Variants in PFKFB1 observed in about 807,000 individuals in gnomAD.
PFKFB1 encodes 6-phosphofructo-2-kinase/fructose-2,6-biphosphatase 1.
Under a neutral mutation model 46.4 loss-of-function variants are expected in PFKFB1, and 34 were observed. The ratio of observed to expected loss-of-function variants is 0.73; its 90% CI spans 0.56 to 0.98. The LOEUF (loss-of-function observed/expected upper bound fraction) is 0.98. PFKFB1 is among the 50% of genes least tolerant of loss of function. PFKFB1 has a pLI of 0.00. For synonymous variants in PFKFB1, 119 were observed against 133.8 expected (o/e 0.89, Z 0.76); for missense variants, 393 against 376.3 (o/e 1.04, Z -0.37).
chrX:54,959,736 A>T, intron 4 of PFKFB1, 91 bp downstream of exon 4: 1 of 556,356 alleles, frequency 1.8e-6, no homozygotes, highest in Non-Finnish European at 3.1e-6. Flanking sequence ...CTCAGAACAT[A>T]ATGTTCTGTA....
At chrX:54,981,584 C>T (rs755946505) in intron 1 of PFKFB1, among the ~76,000 whole-genome samples, 3 of 111,213 alleles carry the variant, frequency 2.7e-5, no homozygotes, top group Non-Finnish European at 5.7e-5. Flanking sequence ...ATGGAATGTA[C>T]CTCAGACAGA....
At chrX:54,945,596 G>T in intron 9 of PFKFB1, 53 bp from the exon 10 acceptor site, 1 of 770,623 alleles carries the variant, frequency 1.3e-6, no homozygotes, top group Non-Finnish European at 1.9e-6. Flanking sequence ...ATTCCACAGA[G>T]TCTTTGCCAT....
At chrX:54,988,940 T>C (rs1481462904) in intron 1 of PFKFB1, among the ~76,000 whole-genome samples, 2 of 112,151 alleles carry the variant, frequency 1.8e-5, no homozygotes, top group African/African-American at 3.2e-5. Flanking sequence ...ACAACATGGA[T>C]TAACCTTGAA....
intron 1 of PFKFB1, among the ~76,000 whole-genome samples, chrX:54,982,999 A>G (rs189188407): frequency 1.9e-3 from 212 of 111,209 alleles, no homozygotes; most frequent in African/African-American, 6.8e-3. Context: ...TGGGAAGCAC[A>G]ATACACAAGC....
upstream of PFKFB1, chrX:54,994,988 T>G: frequency 3.4e-6 from 1 of 290,046 alleles, no homozygotes; most frequent in South Asian, 1.7e-4. Context: ...TCACTAAAGT[T>G]CCTCATGCCA....
rs567550265 is a variant in PFKFB1 at position 54,949,278 on chromosome X, C to T, written c.847-57G>A. On this transcript the variant is annotated intron_variant, in intron 8 of 13. Coordinates refer to ENST00000375006, the MANE Select transcript of PFKFB1 (RefSeq NM_002625.4). ...GGGGAAAAGGAGAGGTGAGAGAGAG[C>T]AGGGTGGCCATCAGAACAAGCTCAG... The T allele has an allele frequency of 5.3e-5, 54 of 1,012,094 alleles. No homozygotes were observed. The South Asian group carries it at 1.2e-3, about 23-fold the overall frequency. The allele number at this position is 1,012,094 out of a possible 1,213,427, so 83.4% of individuals were successfully genotyped here.
chrX:54,949,424 CAG>C (rs3028350), intron 8 of PFKFB1, among the ~76,000 whole-genome samples: 39,499 of 92,929 alleles, frequency 0.43, 7,086 homozygotes, highest in African/African-American at 0.57. Context: ...AAGAGCATGA[CAG>C]AGAGAGAGAG....
intron 1 of PFKFB1, among the ~76,000 whole-genome samples, chrX:54,963,751 T>G (rs1414638658): frequency 8.9e-6 from 1 of 112,201 alleles, no homozygotes; most frequent in Non-Finnish European, 1.9e-5. Flanking sequence ...CATAGGCAAT[T>G]TTGCACCCCT....
chrX:54,963,262 G>A lies in PFKFB1; in HGVS notation c.218C>T (p.Thr73Ile). The A allele has an allele frequency of 1.7e-6, 2 of 1,210,018 alleles. No individual in the cohort carries two copies. Among genetic ancestry groups the A allele is most frequent in the Admixed American group, 2.2e-5 (1 of 45,958 alleles). ...TRYLNWIGTP[T>I]KVFNLGQYRR... is the part of the protein sequence containing the mutation. ...AAAGGCTTTCAGAGACATACCTTTAGTTGGTGTTCCTATCCAGTTGAGATA... is the reference window on the plus strand; with the variant it reads ...AAAGGCTTTCAGAGACATACCTTTAATTGGTGTTCCTATCCAGTTGAGATA... The change falls in exon 2 of 14, where the codon ACT (threonine) becomes ATT (isoleucine). Residue 73 changes from threonine to isoleucine, a missense_variant. By Grantham distance (89) the Thr-to-Ile change is moderately conservative. Transcript: ENST00000375006.
At chrX:54,934,630 C>T (rs1417115389) in intron 12 of PFKFB1, among the ~76,000 whole-genome samples, 1 of 112,392 alleles carries the variant, frequency 8.9e-6, no homozygotes, top group Non-Finnish European at 1.9e-5. Flanking sequence ...TCTTTGTGCT[C>T]TTTCTCCAAT....
chrX:54,993,610 AATTCCAAACAAGAAGC>A (rs1165775161), intron 1 of PFKFB1, among the ~76,000 whole-genome samples: 2 of 112,181 alleles, frequency 1.8e-5, no homozygotes, highest in Non-Finnish European at 3.8e-5. Flanking sequence ...AGAAATCTTA[AATTCCAAACAAGAAGC>A]ATTCCAAACA....
At chrX:54,945,806 G>A (rs949220392) in intron 9 of PFKFB1, among the ~76,000 whole-genome samples, 2 of 108,929 alleles carry the variant, frequency 1.8e-5, no homozygotes, top group African/African-American at 6.7e-5. Context: ...CAGGCTGAGT[G>A]TATGATGTTT....
chrX:54,946,690 C>T (rs184726871), intron 9 of PFKFB1, among the ~76,000 whole-genome samples: 6 of 112,063 alleles, frequency 5.4e-5, no homozygotes, highest in Non-Finnish European at 1.1e-4. Context: ...AGCCTGTCGC[C>T]TATGGAAATG....
intron 5 of PFKFB1, 44 bp downstream of exon 5, chrX:54,958,807 G>T: frequency 1.1e-6 from 1 of 921,326 alleles, no homozygotes; most frequent in Non-Finnish European, 1.6e-6. Context: ...TGGGGTTTGT[G>T]CTGGAGAAAT....
At chrX:54,950,767 G>A (rs1392945082) in intron 8 of PFKFB1, among the ~76,000 whole-genome samples, 1 of 112,441 alleles carries the variant, frequency 8.9e-6, no homozygotes, top group African/African-American at 3.2e-5. Flanking sequence ...CTCGAGGGGA[G>A]GCTGTCAGTC....
chrX:54,972,066 T>C (rs1485229234), intron 1 of PFKFB1, among the ~76,000 whole-genome samples: 3 of 110,908 alleles, frequency 2.7e-5, no homozygotes, highest in Non-Finnish European at 5.7e-5. Flanking sequence ...CCCTTGTAAG[T>C]TGGATTCCTA....
intron 1 of PFKFB1, among the ~76,000 whole-genome samples, chrX:54,970,176 T>G (rs1784321766): frequency 9.0e-6 from 1 of 111,430 alleles, no homozygotes; most frequent in South Asian, 3.8e-4. Flanking sequence ...CCCAAAGTGC[T>G]GGGATTATAG....
intron 10 of PFKFB1, among the ~76,000 whole-genome samples, chrX:54,938,275 T>G (rs1933479912): frequency 8.9e-6 from 1 of 112,017 alleles, no homozygotes; most frequent in Non-Finnish European, 1.9e-5. Flanking sequence ...ACGCTCTAAG[T>G]GCAAACTAGA....
chrX:54,988,390 G>A lies in PFKFB1; in HGVS notation c.97+5521C>T, dbSNP rs995297547. Reference sequence around the variant, plus strand: ...GGGACCTAAAACTTATTATTGTTAAGATGGTAATATTCCCTAACTAATCTA... The same window carrying A: ...GGGACCTAAAACTTATTATTGTTAAAATGGTAATATTCCCTAACTAATCTA... On this transcript the variant is annotated intron_variant, in intron 1 of 13. Transcript: ENST00000375006. 1.8e-4 allele frequency among the ~76,000 whole-genome samples: 20 copies of A among 111,411 alleles called. 1 individual carries two copies. Among genetic ancestry groups the A allele is most frequent in the Non-Finnish European group, 3.4e-4 (18 of 52,935 alleles).
Sources: allele counts gnomAD v4.1 joint callset (sites outside exome capture counted in the v4.1 genomes callset), GRCh38; gene constraint gnomAD v4.1.1; transcripts MANE v1.5; gene names NCBI Gene and HGNC (gene_info 2026-07-23, HGNC 2026-07-21).